PDZD2: variants seen among roughly 807,000 people sequenced by gnomAD.
PDZD2 encodes PDZ domain-containing protein 2.
In PDZD2, 90 loss-of-function variants were observed where a neutral mutation model predicts 220.7. The ratio of observed to expected loss-of-function variants is 0.41; its 90% CI spans 0.34 to 0.49. The LOEUF (loss-of-function observed/expected upper bound fraction) is 0.49. PDZD2 is among the 20% of genes least tolerant of loss of function. The pLI, the probability that PDZD2 is intolerant of heterozygous loss-of-function variation, is 0.28. For synonymous variants in PDZD2, 1,375 were observed against 1,450.5 expected (o/e 0.95, Z 1.18); for missense variants, 3,174 against 3,608.5 (o/e 0.88, Z 3.08).
chr5:32,107,042 C>T (rs1744832883), intron 24 of PDZD2, among the ~76,000 whole-genome samples: 1 of 152,182 alleles, frequency 6.6e-6, no homozygotes, highest in African/African-American at 2.4e-5. Flanking sequence ...ATCGATACAT[C>T]TGCTCAGTCT....
At chr5:32,103,686 C>T (rs1156322988) in intron 24 of PDZD2, 2 of 152,236 alleles carry the variant, frequency 1.3e-5, no homozygotes, top group Non-Finnish European at 2.9e-5. Context: ...TGGCCGCCTT[C>T]GTGGTTGGTC....
At chr5:31,921,476 G>C (rs542801514) in intron 2 of PDZD2, among the ~76,000 whole-genome samples, 1 of 152,190 alleles carries the variant, frequency 6.6e-6, no homozygotes, top group Admixed American at 6.5e-5. Context: ...TTGAGCTTAG[G>C]AGTTCGAGAC....
intron 2 of PDZD2, among the ~76,000 whole-genome samples, chr5:31,902,478 C>CT: frequency 6.9e-6 from 1 of 145,210 alleles, no homozygotes; most frequent in South Asian, 2.2e-4. Context: ...GATTTGGATA[C>CT]TTTTTTTTCT....
Position 32,110,246 on chromosome 5 carries a change from GA to G in PDZD2, c.*2113del, listed in dbSNP as rs1453367969. ...TTTCTTGTGCAATGTGGAGCAAATG[GA>G]ATGGTCTCCTTCCGCAAGTCTTTTT... On this transcript the variant is annotated 3_prime_UTR_variant, in exon 25 of 25. Transcript: ENST00000438447. 6.6e-6 allele frequency: 1 copy of G among 152,650 alleles called. No homozygotes were observed. Among genetic ancestry groups the G allele is most frequent in the Admixed American group, 6.5e-5 (1 of 15,270 alleles). The allele number at this position is 152,650 out of a possible 1,614,324, so 9.5% of individuals were successfully genotyped here. A position where few individuals can be genotyped will look rare whatever the true frequency, so the allele number is the denominator to read the frequency against.
intron 1 of PDZD2, among the ~76,000 whole-genome samples, chr5:31,684,465 C>G (rs1228367566): frequency 1.3e-5 from 2 of 152,142 alleles, no homozygotes; most frequent in Non-Finnish European, 2.9e-5. Flanking sequence ...CTCTTTTATC[C>G]CAACATCACC....
chr5:31,771,341 C>T (rs568063112), intron 1 of PDZD2, among the ~76,000 whole-genome samples: 1 of 152,318 alleles, frequency 6.6e-6, no homozygotes, highest in South Asian at 2.1e-4. Context: ...TTATCATCAG[C>T]ACCATTAGTA....
At chr5:32,005,064 A>G (rs577801849) in intron 5 of PDZD2, among the ~76,000 whole-genome samples, 1 of 152,228 alleles carries the variant, frequency 6.6e-6, no homozygotes, top group Non-Finnish European at 1.5e-5. Context: ...CCTCATCCAC[A>G]TAGGAGAAAA....
intron 2 of PDZD2, among the ~76,000 whole-genome samples, chr5:31,956,153 T>G (rs1747657299): frequency 6.6e-6 from 1 of 151,992 alleles, no homozygotes; most frequent in Non-Finnish European, 1.5e-5. Context: ...ATAGTACTGT[T>G]CAAGTCCACT....
chr5:31,734,929 A>G (rs1749760765), intron 1 of PDZD2, among the ~76,000 whole-genome samples: 1 of 152,214 alleles, frequency 6.6e-6, no homozygotes, highest in Admixed American at 6.5e-5. Context: ...AAATGACAAT[A>G]TCACAATTCC....
rs535349627 is a variant in PDZD2 at position 31,880,044 on chromosome 5, G to A, written c.476+80320G>A. 7.3e-5 allele frequency among the ~76,000 whole-genome samples: 11 copies of A among 151,514 alleles called. No homozygotes were observed. The East Asian group carries it at 2.0e-3, about 27-fold the overall frequency. Reference sequence around the variant, plus strand: ...TTCTCCTGCCTCAGCCTCCCAAGTAGCTGGGATGACAGGCGCCCACCACCA... The same window carrying A: ...TTCTCCTGCCTCAGCCTCCCAAGTAACTGGGATGACAGGCGCCCACCACCA... On this transcript the variant is annotated intron_variant, in intron 2 of 24. Coordinates refer to ENST00000438447, the MANE Select transcript of PDZD2 (RefSeq NM_178140.4).
chr5:31,689,567 C>G (rs1394780234), intron 1 of PDZD2, among the ~76,000 whole-genome samples: 1 of 151,462 alleles, frequency 6.6e-6, no homozygotes. Context: ...TGTGATATGT[C>G]TAATAAGTTA....
chr5:31,974,347 CAAAA>C (rs1749564328), intron 2 of PDZD2, among the ~76,000 whole-genome samples: 1 of 140,466 alleles, frequency 7.1e-6, no homozygotes, highest in African/African-American at 2.6e-5. Context: ...TCTTGTCTCA[CAAAA>C]AAGAAAAAAG....
In PDZD2 at chr5:32,109,097, A is replaced by AAAC. The variant is rs1206145408; in HGVS notation, c.*963_*965dup. 16 of 152,462 alleles carry AAAC rather than the reference A, an allele frequency of 1.0e-4. No individual in the cohort carries two copies. Among genetic ancestry groups the AAAC allele is most frequent in the African/African-American group, 3.6e-4 (15 of 41,428 alleles). 9.4% of individuals were successfully genotyped at this position (152,462 alleles called of 1,614,324 possible). On this transcript the variant is annotated 3_prime_UTR_variant, in exon 25 of 25. Coordinates refer to ENST00000438447, the MANE Select transcript of PDZD2 (RefSeq NM_178140.4). ...TTTTATGCACTCCAACCATGAATTT[A>AAAC]AACTAAATTTTTAGAAATCAAGTAT...
At chr5:31,740,144 A>G (rs1298025972) in intron 1 of PDZD2, among the ~76,000 whole-genome samples, 3 of 152,048 alleles carry the variant, frequency 2.0e-5, no homozygotes, top group Non-Finnish European at 4.4e-5. Context: ...TTGTACTGGT[A>G]AAGCCATGTT....
At chr5:31,667,855 C>CTTTTTTTT (rs561833214) in intron 1 of PDZD2, among the ~76,000 whole-genome samples, 4 of 77,978 alleles carry the variant, frequency 5.1e-5, no homozygotes, top group Non-Finnish European at 6.6e-5. Flanking sequence ...TTTTTTTTTC[C>CTTTTTTTT]TTTTTTTTTT....
chr5:31,850,634 C>CTTTTT (rs1202109766), intron 2 of PDZD2, among the ~76,000 whole-genome samples: 4 of 118,324 alleles, frequency 3.4e-5, no homozygotes, highest in Non-Finnish European at 3.5e-5. Flanking sequence ...TACCCAAATT[C>CTTTTT]TTTTTTTTTT....
At chr5:31,653,574 C>G (rs895665034) in intron 1 of PDZD2, among the ~76,000 whole-genome samples, 1 of 152,174 alleles carries the variant, frequency 6.6e-6, no homozygotes, top group East Asian at 1.9e-4. Context: ...GATGAATCTT[C>G]TGATGAAAGC....
intron 2 of PDZD2, among the ~76,000 whole-genome samples, chr5:31,839,574 A>G (rs1481817615): frequency 2.0e-5 from 3 of 152,170 alleles, no homozygotes; most frequent in East Asian, 1.9e-4. Context: ...TGGGCTGGAC[A>G]TGGTGGCCCA....
intron 24 of PDZD2, among the ~76,000 whole-genome samples, chr5:32,105,681 T>C (rs1744693490): frequency 6.6e-6 from 1 of 152,180 alleles, no homozygotes; most frequent in Non-Finnish European, 1.5e-5. Flanking sequence ...ATGGTAAGCA[T>C]AAGGAACCTA....
Sources: allele counts gnomAD v4.1 joint callset (sites outside exome capture counted in the v4.1 genomes callset), GRCh38; gene constraint gnomAD v4.1.1; transcripts MANE v1.5; gene names NCBI Gene and HGNC (gene_info 2026-07-23, HGNC 2026-07-21).